USP32: variants seen among roughly 807,000 people sequenced by gnomAD.
USP32 encodes the protein ubiquitin carboxyl-terminal hydrolase 32.
Under a neutral mutation model 204.8 loss-of-function variants are expected in USP32, and 59 were observed. The observed-to-expected ratio is 0.29, with a 90% CI of 0.23 to 0.36. The LOEUF (loss-of-function observed/expected upper bound fraction) is 0.36, where lower values mean the gene tolerates loss of function less well. Among genes scored for constraint, USP32 ranks in the 10% least tolerant of loss-of-function variants. The pLI, the probability that USP32 is intolerant of heterozygous loss-of-function variation, is 1.00. For missense variants in USP32, 1,160 were observed against 1,946.4 expected, an observed-to-expected ratio of 0.60 and a Z score of 7.60; for synonymous variants, 517 against 678.4, an observed-to-expected ratio of 0.76 and a Z score of 3.70.
chr17:60,372,289 A>G (rs1462656113), intron 1 of USP32, among the ~76,000 whole-genome samples: 2 of 152,258 alleles, frequency 1.3e-5, no homozygotes, highest in Non-Finnish European at 2.9e-5. Flanking sequence ...TTTAAACTAC[A>G]GTTATGCATC....
At chr17:60,258,833 C>A (rs1033417614) in intron 9 of USP32, among the ~76,000 whole-genome samples, 1 of 152,062 alleles carries the variant, frequency 6.6e-6, no homozygotes, top group Non-Finnish European at 1.5e-5. Context: ...TGCAAAGTTC[C>A]ATCTCATGCA....
At chr17:60,223,068 G>GA (rs1345004636) in intron 14 of USP32, among the ~76,000 whole-genome samples, 2 of 151,984 alleles carry the variant, frequency 1.3e-5, no homozygotes, top group Non-Finnish European at 2.9e-5. Flanking sequence ...ATATCATTTG[G>GA]AAAAATCACT....
In USP32 at chr17:60,303,931, T is replaced by C. The variant is rs1196494759; in HGVS notation, c.187-2227A>G. On this transcript the variant is annotated intron_variant, in intron 2 of 33. Transcript: ENST00000300896. ...AGAAAACCCAAGAGCTGTGAGATCA[T>C]ATCAATGATGTAACATTCAAGTAAT... is the stretch of plus-strand genomic sequence containing the variant. Among the ~76,000 whole-genome samples, 3 of 152,208 alleles carry C rather than the reference T, an allele frequency of 2.0e-5. No individual in the cohort carries two copies. The South Asian group carries it at 6.2e-4, about 31-fold the overall frequency.
chr17:60,282,519 A>C (rs1373453849), intron 5 of USP32, among the ~76,000 whole-genome samples: 1 of 152,096 alleles, frequency 6.6e-6, no homozygotes, highest in Non-Finnish European at 1.5e-5. Context: ...ACACCCGGCT[A>C]ATTTTTGTAC....
Position 60,402,687 on chromosome 17 carries a change from C to T in USP32, c.106+19559G>A, listed in dbSNP as rs139327262. On this transcript the variant is annotated intron_variant, in intron 1 of 3. Transcript: ENST00000588898. The stretch of plus-strand genomic sequence containing the variant: ...GTCATTGCTTCATAAGAAATTATTC[C>T]AAACACTGAGTAGCATAAAACAATG... 3.9e-5 allele frequency among the ~76,000 whole-genome samples: 6 copies of T among 152,270 alleles called. No individual in the cohort carries two copies. In the East Asian group the frequency reaches 1.2e-3, roughly 29 times the overall value.
intron 5 of USP32, among the ~76,000 whole-genome samples, chr17:60,272,381 T>C (rs1032520902): frequency 6.6e-6 from 1 of 152,184 alleles, no homozygotes; most frequent in East Asian, 1.9e-4. Context: ...AGAATATACA[T>C]CAAAAATCGC....
At chr17:60,297,421 C>T (rs2087459315) in intron 3 of USP32, among the ~76,000 whole-genome samples, 1 of 151,324 alleles carries the variant, frequency 6.6e-6, no homozygotes, top group Non-Finnish European at 1.5e-5. Context: ...AAACTATGTT[C>T]TAACTGCTAC....
At chr17:60,392,193 C>G, upstream of USP32, 1 of 534,982 alleles carries the variant, frequency 1.9e-6, no homozygotes, top group South Asian at 2.3e-5. Context: ...TCTCCTCTCT[C>G]TCCTCCCTCT....
At chr17:60,302,868 T>G (rs899740640) in intron 2 of USP32, among the ~76,000 whole-genome samples, 1 of 152,176 alleles carries the variant, frequency 6.6e-6, no homozygotes, top group Non-Finnish European at 1.5e-5. Flanking sequence ...AGAAAAACTA[T>G]GCATAGGAAA....
intron 1 of USP32, 112 bp from the exon 2 acceptor site, chr17:60,345,720 G>A (rs150429593): frequency 7.3e-6 from 10 of 1,362,886 alleles, no homozygotes; most frequent in South Asian, 4.8e-5. Context: ...AGTGGCTCAC[G>A]CCTATAATCC....
intron 1 of USP32, chr17:60,421,631 T>G: frequency 1.0e-6 from 1 of 973,390 alleles, no homozygotes; most frequent in Non-Finnish European, 1.2e-6. Flanking sequence ...CCCCGCCGTG[T>G]GCCGCCCAGG....
Position 60,207,002 on chromosome 17 carries a change from A to G in USP32, c.3037+19T>C. The G allele has an allele frequency of 6.2e-7, 1 of 1,601,002 alleles. No homozygotes were observed. Among genetic ancestry groups the G allele is most frequent in the Non-Finnish European group, 8.5e-7 (1 of 1,174,856 alleles). ...ATTTAAAGGAGCAATCATGAGAAGG[A>G]GTTCTAGTTCTATCTTACCTGTCTG... On this transcript the variant is annotated intron_variant, in intron 25 of 33. Coordinates refer to ENST00000300896, the MANE Select transcript of USP32 (RefSeq NM_032582.4).
chr17:60,264,636 C>G (rs913590935), intron 9 of USP32, among the ~76,000 whole-genome samples: 1 of 151,868 alleles, frequency 6.6e-6, no homozygotes, highest in Admixed American at 6.6e-5. Flanking sequence ...GCAGGGAGAT[C>G]ACTGGAGGCC....
chr17:60,306,065 T>C (rs2087714241), intron 2 of USP32, among the ~76,000 whole-genome samples: 1 of 151,572 alleles, frequency 6.6e-6, no homozygotes, highest in Middle Eastern at 3.2e-3. Context: ...AATGTCTAAG[T>C]ACCCTTTTTT....
chr17:60,249,030 T>G (rs2086104682), intron 11 of USP32: 1 of 152,222 alleles, frequency 6.6e-6, no homozygotes, highest in Non-Finnish European at 1.5e-5. Flanking sequence ...TCTTGCAGTG[T>G]GAAGCTGCTC....
intron 1 of USP32, among the ~76,000 whole-genome samples, chr17:60,417,696 C>T (rs990396258): frequency 3.3e-5 from 5 of 152,004 alleles, no homozygotes; most frequent in East Asian, 3.9e-4. Flanking sequence ...TCAAGTGATC[C>T]GCCTGCCTCA....
chr17:60,224,735 A>G (rs754758992), intron 13 of USP32, among the ~76,000 whole-genome samples: 10 of 152,232 alleles, frequency 6.6e-5, no homozygotes, highest in Non-Finnish European at 1.2e-4. Flanking sequence ...GTGAGCTATG[A>G]TCATGCCATT....
At chr17:60,192,370 A>G (rs1280850569) in intron 28 of USP32, among the ~76,000 whole-genome samples, 1 of 152,214 alleles carries the variant, frequency 6.6e-6, no homozygotes, top group African/African-American at 2.4e-5. Context: ...TGAATTTGGT[A>G]TGGACTGTAG....
At chr17:60,251,934 G>C (rs971406955) in intron 11 of USP32, among the ~76,000 whole-genome samples, 1 of 151,730 alleles carries the variant, frequency 6.6e-6, no homozygotes, top group Non-Finnish European at 1.5e-5. Flanking sequence ...GAATAAAGTA[G>C]GTATTTCAGA....
Sources: gnomAD v4.1 joint callset for allele counts (sites outside exome capture counted in the v4.1 genomes callset) on GRCh38, gnomAD v4.1.1 for gene constraint, MANE v1.5 for transcripts, NCBI Gene and HGNC (gene_info 2026-07-23, HGNC 2026-07-21) for gene names.